UPF1: variants seen among roughly 807,000 people sequenced by gnomAD.
UPF1 encodes the protein regulator of nonsense transcripts 1.
In UPF1, 9 loss-of-function variants were observed where a neutral mutation model predicts 129.2. The ratio of observed to expected loss-of-function variants is 0.07; its 90% CI spans 0.04 to 0.12. The LOEUF (loss-of-function observed/expected upper bound fraction) is 0.12. UPF1 is among the 10% of genes least tolerant of loss of function. The probability of loss-of-function intolerance (pLI) is 1.00; values close to 1 mark genes in which losing one functional copy is unlikely to be tolerated. For synonymous variants in UPF1, 649 were observed against 644.9 expected, an observed-to-expected ratio of 1.01 and a Z score of -0.10; for missense variants, 788 against 1,525.3, an observed-to-expected ratio of 0.52 and a Z score of 8.05.
At chr19:18,854,545 G>A (rs1334471770) in intron 8 of UPF1, 56 bp from the exon 9 acceptor site, 26 of 1,422,898 alleles carry the variant, frequency 1.8e-5, no homozygotes, top group Non-Finnish European at 2.4e-5. Context: ...ACCAAGGGTG[G>A]CCCAGAAAGG....
intron 18 of UPF1, chr19:18,863,148 GGAAGGCCGA>G (rs2055800000): frequency 3.0e-6 from 1 of 336,276 alleles, no homozygotes; most frequent in African/African-American, 2.1e-5. Context: ...CCCGGTGCCT[GGAAGGCCGA>G]CTCTCTTGAC....
chr19:18,854,982 T>G lies in UPF1; in HGVS notation c.1369T>G (p.Cys457Gly). The G allele has an allele frequency of 6.2e-7, 1 of 1,614,174 alleles. No individual in the cohort carries two copies. Among genetic ancestry groups the G allele is most frequent in the Non-Finnish European group, 8.5e-7 (1 of 1,180,048 alleles). The change falls in exon 10 of 24, where the codon TGC (cysteine) becomes GGC (glycine). Residue 457 changes from cysteine (C) to glycine (G), a missense_variant. Coordinates refer to ENST00000262803, the MANE Select transcript of UPF1 (RefSeq NM_002911.4). ...CGAGGTGGAGGACGTAATCATCAAG[T>G]GCCAGCTGCCCAAGCGCTTCACGGC... ...GHEVEDVIIK[C>G]QLPKRFTAQG...
intron 15 of UPF1, 113 bp downstream of exon 15, chr19:18,857,646 C>A: frequency 8.0e-7 from 1 of 1,249,882 alleles, no homozygotes; most frequent in Non-Finnish European, 1.1e-6. Flanking sequence ...TTCACATAGC[C>A]ACTGCTTGAG....
At chr19:18,841,823 C>G (rs538271792) in intron 1 of UPF1, among the ~76,000 whole-genome samples, 1 of 152,292 alleles carries the variant, frequency 6.6e-6, no homozygotes, top group East Asian at 1.9e-4. Context: ...CGGACTCTAG[C>G]ACACCTGGCT....
intron 1 of UPF1, among the ~76,000 whole-genome samples, chr19:18,839,122 C>T (rs1393170623): frequency 1.3e-5 from 2 of 152,130 alleles, no homozygotes; most frequent in African/African-American, 4.8e-5. Flanking sequence ...GACGGAGTCT[C>T]GCACTGTCGC....
intron 6 of UPF1, 99 bp from the exon 7 acceptor site, chr19:18,852,888 C>A: frequency 1.0e-6 from 1 of 980,648 alleles, no homozygotes; most frequent in Admixed American, 2.3e-5. Flanking sequence ...ACGGCAGAGG[C>A]TTGCTGTAGG....
rs781024577 is a variant in UPF1 at position 18,854,531 on chromosome 19, G to T, written c.1157-70G>T. ...ATTTTAAAAACGCTGTTTAAAGAGC[G>T]TGTACCAAGGGTGGCCCAGAAAGGT... On this transcript the variant is annotated intron_variant, in intron 8 of 23. Coordinates refer to ENST00000262803, the MANE Select transcript of UPF1 (RefSeq NM_002911.4). 7 of 1,230,406 alleles carry T rather than the reference G, an allele frequency of 5.7e-6. 1 individual carries two copies. Among genetic ancestry groups the T allele is most frequent in the Non-Finnish European group, 8.2e-6 (7 of 858,116 alleles). 76.2% of individuals were successfully genotyped at this position (1,230,406 alleles called of 1,614,324 possible). A position where few individuals can be genotyped will look rare whatever the true frequency, so the allele number is the denominator to read the frequency against.
chr19:18,865,915 T>A lies in UPF1; in HGVS notation c.3238-129T>A. On this transcript the variant is annotated intron_variant, in intron 22 of 23. Coordinates refer to ENST00000262803, the MANE Select transcript of UPF1 (RefSeq NM_002911.4). The surrounding 1 kb of genome is among the most constrained non-coding windows in gnomAD (Gnocchi z 6.1). Reference sequence around the variant, plus strand: ...ATTACCTGTCCCTGGGCTGGGGTCATCAGAGTGGGTCTCCTGGGTCTTAGT... The same window carrying A: ...ATTACCTGTCCCTGGGCTGGGGTCAACAGAGTGGGTCTCCTGGGTCTTAGT... 1 of 1,578,732 alleles carries A rather than the reference T, an allele frequency of 6.3e-7. No individual in the cohort carries two copies. Among genetic ancestry groups the A allele is most frequent in the Non-Finnish European group, 8.6e-7 (1 of 1,163,756 alleles).
At chr19:18,863,197 C>G (rs547218366) in intron 18 of UPF1, 1 of 473,968 alleles carries the variant, frequency 2.1e-6, no homozygotes, top group African/African-American at 2.0e-5. Context: ...CGTATCCACC[C>G]AGCCAGGTGT....
intron 1 of UPF1, among the ~76,000 whole-genome samples, chr19:18,838,904 A>G (rs1467841883): frequency 3.9e-5 from 6 of 152,152 alleles, no homozygotes; most frequent in Non-Finnish European, 1.5e-5. Flanking sequence ...AACAATTTCT[A>G]TTTTTATCAC....
intron 1 of UPF1, among the ~76,000 whole-genome samples, chr19:18,837,133 A>G (rs2055492102): frequency 6.6e-6 from 1 of 152,008 alleles, no homozygotes; most frequent in African/African-American, 2.4e-5. Context: ...TCTGTCACCC[A>G]GGCTGTAGTG....
chr19:18,833,505 A>T (rs1417339844), intron 1 of UPF1, among the ~76,000 whole-genome samples: 2 of 146,414 alleles, frequency 1.4e-5, no homozygotes, highest in African/African-American at 2.5e-5. Flanking sequence ...TTGGGTTGGG[A>T]GAAGTATCGG....
At chr19:18,837,566 G>T (rs1464753506) in intron 1 of UPF1, among the ~76,000 whole-genome samples, 2 of 152,252 alleles carry the variant, frequency 1.3e-5, no homozygotes, top group Non-Finnish European at 1.5e-5. Context: ...TGTACATCCA[G>T]TGGGAAAAAT....
At chr19:18,863,752 G>C in intron 19 of UPF1, 140 bp downstream of exon 19, 1 of 1,214,228 alleles carries the variant, frequency 8.2e-7, no homozygotes. Context: ...CTAGGGGAGG[G>C]TGGGCCAGCC....
In UPF1 at chr19:18,864,143, AT is replaced by A. The variant is rs748201936; in HGVS notation, c.2776-25del. 11 of 1,608,564 alleles carry A rather than the reference AT, an allele frequency of 6.8e-6. No individual in the cohort carries two copies. The South Asian group carries it at 1.2e-4, about 18-fold the overall frequency. On this transcript the variant is annotated intron_variant, in intron 19 of 23. Coordinates refer to ENST00000262803, the MANE Select transcript of UPF1 (RefSeq NM_002911.4). The stretch of plus-strand genomic sequence containing the variant: ...GTTGTTCCTTCTGTTGAGATGACAA[AT>A]TCCTCACCTATCTAAACCTTCGCAG...
chr19:18,854,412 T>G (rs894332199), intron 8 of UPF1, among the ~76,000 whole-genome samples, 189 bp from the exon 9 acceptor site: 1 of 152,234 alleles, frequency 6.6e-6, no homozygotes, highest in Non-Finnish European at 1.5e-5. Flanking sequence ...GGTAGAGTCT[T>G]TCTTCAAGGA....
intron 14 of UPF1, 126 bp downstream of exon 14, chr19:18,857,146 AGG>A: frequency 6.6e-7 from 1 of 1,504,874 alleles, no homozygotes. Context: ...GGGCTCCCTG[AGG>A]GGTTTATAGA....
At chr19:18,848,823 T>TTCAGAATGGAC (rs1352327023) in intron 3 of UPF1, among the ~76,000 whole-genome samples, 1 of 152,206 alleles carries the variant, frequency 6.6e-6, no homozygotes, top group African/African-American at 2.4e-5. Context: ...TTGTCCCATT[T>TTCAGAATGGAC]TCAGAATCTT....
chr19:18,849,273 A>C (rs1230302198), intron 3 of UPF1: 1 of 153,146 alleles, frequency 6.5e-6, no homozygotes, highest in African/African-American at 2.4e-5. Context: ...AGAGGGGAAG[A>C]GAGAGGGCGC....
Sources: allele counts gnomAD v4.1 joint callset (sites outside exome capture counted in the v4.1 genomes callset), GRCh38; gene constraint gnomAD v4.1.1; non-coding constraint Gnocchi (gnomAD v3.1); transcripts MANE v1.5; gene names NCBI Gene and HGNC (gene_info 2026-07-23, HGNC 2026-07-21).